PTGER3: variants seen among roughly 807,000 people sequenced by gnomAD.
PTGER3 encodes the protein prostaglandin E2 receptor EP3 subtype.
PTGER3 carries 22 observed loss-of-function variants against 34.7 expected under a neutral mutation model. That is an observed-to-expected ratio of 0.63 (90% CI 0.45 to 0.91). The LOEUF (loss-of-function observed/expected upper bound fraction) is 0.91, where lower values mean the gene tolerates loss of function less well. PTGER3 is among the 40% of genes least tolerant of loss of function. The probability of loss-of-function intolerance (pLI) is 0.00; values close to 1 mark genes in which losing one functional copy is unlikely to be tolerated. For missense variants in PTGER3, 468 were observed against 519.4 expected, an observed-to-expected ratio of 0.90 and a Z score of 0.96; for synonymous variants, 241 against 230.1, an observed-to-expected ratio of 1.05 and a Z score of -0.43.
At chr1:71,016,802 C>T (rs1415828709) in intron 1 of PTGER3, among the ~76,000 whole-genome samples, 1 of 130,192 alleles carries the variant, frequency 7.7e-6, no homozygotes, top group African/African-American at 3.0e-5. Flanking sequence ...GACTTGGGCT[C>T]AAAAAAAAAA....
intron 4 of PTGER3, among the ~76,000 whole-genome samples, chr1:70,893,746 G>C (rs1483043811): frequency 6.6e-6 from 1 of 152,124 alleles, no homozygotes; most frequent in Non-Finnish European, 1.5e-5. Context: ...GAAAACTACT[G>C]CCAAGATGAA....
intron 1 of PTGER3, among the ~76,000 whole-genome samples, chr1:71,037,428 C>G (rs1659937544): frequency 1.3e-5 from 2 of 152,186 alleles, no homozygotes; most frequent in Admixed American, 1.3e-4. Context: ...ACCTTTATAG[C>G]TAAATGAATC....
In PTGER3 at chr1:70,919,691, A is replaced by G. The variant is rs114750246; in HGVS notation, c.*23+34072T>C. On this transcript the variant is annotated intron_variant, in intron 4 of 4. Coordinates refer to the PTGER3 transcript ENST00000370931. Reference sequence around the variant, plus strand: ...TCTCTTTTTCACTTTGAGTTTTACTACAACTGGGGGATAAAAGAGGATTAA... The same window carrying G: ...TCTCTTTTTCACTTTGAGTTTTACTGCAACTGGGGGATAAAAGAGGATTAA... Among the ~76,000 whole-genome samples, 1,431 of 152,252 alleles carry G rather than the reference A, an allele frequency of 9.4e-3. 14 individuals are homozygous for G. The highest frequency in any genetic ancestry group is 0.015 in the Non-Finnish European group (1,046 of 68,004).
intron 4 of PTGER3, among the ~76,000 whole-genome samples, chr1:70,917,403 T>TGTGTGTGTGTGTG (rs1647199801): frequency 2.2e-5 from 3 of 136,378 alleles, no homozygotes; most frequent in South Asian, 5.0e-4. Context: ...GTATTTTATT[T>TGTGTGTGTGTGTG]TGTGTGTGTG....
At chr1:70,924,237 A>G (rs1647835960) in intron 4 of PTGER3, among the ~76,000 whole-genome samples, 1 of 152,198 alleles carries the variant, frequency 6.6e-6, no homozygotes, top group Admixed American at 6.5e-5. Flanking sequence ...TAAAAAGCTT[A>G]TGGCAAATAT....
Position 70,936,398 on chromosome 1 carries a change from T to C in PTGER3, c.*23+17365A>G, listed in dbSNP as rs2100522853. 1.3e-5 allele frequency among the ~76,000 whole-genome samples: 2 copies of C among 152,330 alleles called. 1 individual carries two copies. The highest frequency in any genetic ancestry group is 4.1e-4 in the South Asian group (2 of 4,832). On this transcript the variant is annotated intron_variant, in intron 4 of 4. Transcript: ENST00000370931. ...AGAGAGCAGGCACAGCAATGTTTTATTCATTAATTATTTCAGTTATTAATT... is the reference window on the plus strand; with the variant it reads ...AGAGAGCAGGCACAGCAATGTTTTACTCATTAATTATTTCAGTTATTAATT...
chr1:70,915,309 A>T (rs990139906), intron 4 of PTGER3, among the ~76,000 whole-genome samples: 6 of 151,886 alleles, frequency 4.0e-5, no homozygotes, highest in Admixed American at 2.0e-4. Flanking sequence ...AATGTGTTAA[A>T]TTATCTATGC....
At chr1:71,028,421 C>T (rs1395593128) in intron 1 of PTGER3, among the ~76,000 whole-genome samples, 1 of 152,204 alleles carries the variant, frequency 6.6e-6, no homozygotes, top group Non-Finnish European at 1.5e-5. Flanking sequence ...GATTAACCAA[C>T]TCTGAAGGCT....
chr1:71,033,474 TC>T (rs2100960536), intron 1 of PTGER3, among the ~76,000 whole-genome samples: 1 of 152,316 alleles, frequency 6.6e-6, no homozygotes, highest in African/African-American at 2.4e-5. Context: ...TTTATCACAA[TC>T]ACTAGACTTC....
chr1:70,927,440 G>T (rs1648214932), intron 4 of PTGER3, among the ~76,000 whole-genome samples: 1 of 152,080 alleles, frequency 6.6e-6, no homozygotes, highest in South Asian at 2.1e-4. Flanking sequence ...CCAAGATAGA[G>T]AAGACAGTAA....
At chr1:70,926,609 A>G (rs1648115512) in intron 4 of PTGER3, among the ~76,000 whole-genome samples, 1 of 152,166 alleles carries the variant, frequency 6.6e-6, no homozygotes, top group Non-Finnish European at 1.5e-5. Context: ...CTAGATATAC[A>G]ATGATGTCGT....
intron 4 of PTGER3, among the ~76,000 whole-genome samples, chr1:70,892,551 A>C (rs745755563): frequency 3.3e-5 from 5 of 152,068 alleles, no homozygotes; most frequent in Non-Finnish European, 5.9e-5. Flanking sequence ...TCCTCTACAT[A>C]TTGTAACCTC....
downstream of PTGER3, among the ~76,000 whole-genome samples, chr1:70,969,439 G>C (rs1652862481): frequency 6.6e-6 from 1 of 152,138 alleles, no homozygotes. Context: ...CACTACACTA[G>C]TGCCAAGAGA....
At chr1:71,016,027 G>T (rs918928143) in intron 1 of PTGER3, among the ~76,000 whole-genome samples, 10 of 152,086 alleles carry the variant, frequency 6.6e-5, no homozygotes, top group African/African-American at 2.2e-4. Context: ...TGAACTCCTG[G>T]GCTCAAATGA....
At chr1:70,926,202 T>C (rs2100468665) in intron 4 of PTGER3, among the ~76,000 whole-genome samples, 1 of 152,328 alleles carries the variant, frequency 6.6e-6, no homozygotes, top group South Asian at 2.1e-4. Flanking sequence ...AGTAGTTTTT[T>C]CCAATTCTGT....
At chr1:70,968,070 C>A (rs1014245943), downstream of PTGER3, among the ~76,000 whole-genome samples, 3 of 152,274 alleles carry the variant, frequency 2.0e-5, no homozygotes, top group African/African-American at 7.2e-5. Context: ...TCCAACCTCT[C>A]TTGGGAACAG....
chr1:71,010,791 A>G lies in PTGER3; in HGVS notation c.1077+1514T>C, dbSNP rs912452439. 2.7e-5 allele frequency: 27 copies of G among 985,064 alleles called. 2 individuals are homozygous for G. The Admixed American group carries it at 1.4e-3, about 49-fold the overall frequency. 61.0% of individuals were successfully genotyped at this position (985,064 alleles called of 1,614,324 possible). ...ATTTTGTCTCCAAATTCAATTTGAC[A>G]TGGTCATTTAAAATAATTAGCCCCA... On this transcript the variant is annotated intron_variant, in intron 2 of 3. Coordinates refer to ENST00000306666, the MANE Select transcript of PTGER3 (RefSeq NM_198719.2).
intron 2 of PTGER3, among the ~76,000 whole-genome samples, chr1:70,987,698 T>C (rs1387382731): frequency 2.0e-5 from 3 of 152,146 alleles, no homozygotes; most frequent in Admixed American, 6.5e-5. Flanking sequence ...CAGCTATGCA[T>C]AGGCATAACC....
At chr1:71,015,364 C>A (rs1280421105) in intron 1 of PTGER3, among the ~76,000 whole-genome samples, 1 of 152,208 alleles carries the variant, frequency 6.6e-6, no homozygotes, top group Non-Finnish European at 1.5e-5. Context: ...CACGTAGGAA[C>A]CCAGCTCCAA....
Sources: allele counts gnomAD v4.1 joint callset (sites outside exome capture counted in the v4.1 genomes callset), GRCh38; gene constraint gnomAD v4.1.1; transcripts MANE v1.5; gene names NCBI Gene and HGNC (gene_info 2026-07-23, HGNC 2026-07-21).